The following NR2F6 variants were observed in gnomAD, a reference collection of about 807,000 sequenced individuals.
The protein encoded by NR2F6 is ERBA-related gene-2.
NR2F6 carries 16 observed loss-of-function variants against 26.5 expected under a neutral mutation model. The ratio of observed to expected loss-of-function variants is 0.60; its 90% confidence interval spans 0.41 to 0.92. The LOEUF is 0.92. Among genes scored for constraint, NR2F6 ranks in the 40% least tolerant of loss-of-function variants. The pLI, the probability that NR2F6 is intolerant of heterozygous loss-of-function variation, is 0.00. For missense variants in NR2F6, 536 were observed against 631.7 expected, an observed-to-expected ratio of 0.85 and a Z score of 1.62; for synonymous variants, 325 against 305.0, an observed-to-expected ratio of 1.07 and a Z score of -0.68.
At position 17,235,419 on chromosome 19, in the gene NR2F6, G is replaced by C; in HGVS notation, c.940+80C>G. The C allele has an allele frequency of 6.6e-7, 1 of 1,514,236 alleles. No homozygotes were observed. The allele number at this position is 1,514,236 out of a possible 1,614,324, so 93.8% of individuals were successfully genotyped here. ...GAGCGAGCGGGGCGCTATGGGGGCC[G>C]GAGTCTGGGTCCAGGCCGCCCTCCT... On this transcript the variant is annotated intron_variant, in intron 3 of 3. Transcript: ENST00000291442. This position sits in a 1 kb window ranked among gnomAD's most constrained non-coding sequence, Gnocchi z 5.0.
At position 17,236,030 on chromosome 19, in the gene NR2F6, C is replaced by T; in HGVS notation, c.409G>A (p.Gly137Ser). The T allele has an allele frequency of 7.3e-7, 1 of 1,375,318 alleles. No homozygotes were observed. Among genetic ancestry groups the T allele is most frequent in the Non-Finnish European group, 9.3e-7 (1 of 1,072,260 alleles). The allele number at this position is 1,375,318 out of a possible 1,614,324, so 85.2% of individuals were successfully genotyped here. ...CTGCCCGAGGAGGCGGCCACGGCACCAGGCAGCGAGTGCGGGATGCGGCCG... is the reference window on the plus strand; with the variant it reads ...CTGCCCGAGGAGGCGGCCACGGCACTAGGCAGCGAGTGCGGGATGCGGCCG... ...QRGRIPHSLP[G>S]AVAASSGSPP... The change falls in exon 3 of 4, where the codon GGT (glycine) becomes AGT (serine). Residue 137 changes from glycine to serine, a missense_variant. Gly to Ser is a moderately conservative substitution (Grantham distance 56, BLOSUM62 0). Coordinates refer to ENST00000291442, the MANE Select transcript of NR2F6 (RefSeq NM_005234.4).
chr19:17,232,758 GTCCCA>G, intron 3 of NR2F6, 132 bp from the exon 4 acceptor site: 1 of 1,111,200 alleles, frequency 9.0e-7, no homozygotes, highest in Non-Finnish European at 1.2e-6. Context: ...CACGGCCACA[GTCCCA>G]GCACTTTGGG....
At chr19:17,236,093 T>C in intron 2 of NR2F6, 28 bp from the exon 3 acceptor site, 1 of 236,068 alleles carries the variant, frequency 4.2e-6, no homozygotes, top group Non-Finnish European at 5.1e-6. Flanking sequence ...AGGAGGGACA[T>C]GGGGGCGGGA....
Position 17,235,636 on chromosome 19 carries a change from G to C in NR2F6, c.803C>G (p.Ala268Gly). Residue 268 changes from alanine to glycine, a missense_variant, in exon 3 of 4, where the codon GCG becomes GGG. Physicochemically the swap from Ala to Gly is moderately conservative, Grantham distance 60. Transcript: ENST00000291442. This position sits in a 1 kb window ranked among gnomAD's most constrained non-coding sequence, Gnocchi z 5.0. Reference sequence around the variant, plus strand: ...CACGGCGCGCTCGGCGGCCATAGGCGCGGCGTGGAGGCCGGCGGCGGCCAG... The same window carrying C: ...CACGGCGCGCTCGGCGGCCATAGGCCCGGCGTGGAGGCCGGCGGCGGCCAG... ...PLLAAAGLHA[A>G]PMAAERAVAF... 1 of 1,538,616 alleles carries C rather than the reference G, an allele frequency of 6.5e-7. No individual in the cohort carries two copies. Among genetic ancestry groups the C allele is most frequent in the Non-Finnish European group, 8.7e-7 (1 of 1,150,748 alleles).
intron 2 of NR2F6, among the ~76,000 whole-genome samples, chr19:17,238,541 T>C (rs2073451590): frequency 6.6e-6 from 1 of 152,158 alleles, no homozygotes; most frequent in African/African-American, 2.4e-5. Context: ...ATCATAAATA[T>C]TTCCACCCGA....
rs544359606 is a variant in NR2F6, at chr19:17,234,553, G to A, written c.940+946C>T. 4.6e-5 allele frequency among the ~76,000 whole-genome samples: 7 copies of A among 152,272 alleles called. No individual in the cohort carries two copies. The East Asian group carries it at 9.7e-4, about 21-fold the overall frequency. ...AGGTTAAAGAACTCCCAGGAGACAG[G>A]CTGGAGAGATCTTTGTCTAAAGGCA... On this transcript the variant is annotated intron_variant, in intron 3 of 3. Coordinates refer to ENST00000291442, the MANE Select transcript of NR2F6 (RefSeq NM_005234.4).
At chr19:17,232,763 A>G in intron 3 of NR2F6, 137 bp from the exon 4 acceptor site, 1 of 1,087,290 alleles carries the variant, frequency 9.2e-7, no homozygotes, top group East Asian at 2.7e-5. Flanking sequence ...CCACAGTCCC[A>G]GCACTTTGGG....
chr19:17,237,556 C>A lies in NR2F6; in HGVS notation c.374-1491G>T, dbSNP rs541085090. Among the ~76,000 whole-genome samples, 6 of 152,204 alleles carry A rather than the reference C, an allele frequency of 3.9e-5. No homozygotes were observed. In the South Asian group the frequency reaches 1.2e-3, roughly 32 times the overall value. The stretch of plus-strand genomic sequence containing the variant: ...CCTCCCGAGTAGCTGGGATTAGAGG[C>A]ACCTGCCACCACGCCTGGCTAATTT... On this transcript the variant is annotated intron_variant, in intron 2 of 3. Transcript: ENST00000291442.
Position 17,235,333 on chromosome 19 carries a change from C to G in NR2F6, c.940+166G>C, listed in dbSNP as rs960804210. On this transcript the variant is annotated intron_variant, in intron 3 of 3. Coordinates refer to ENST00000291442, the MANE Select transcript of NR2F6 (RefSeq NM_005234.4). This position sits in a 1 kb window ranked among gnomAD's most constrained non-coding sequence, Gnocchi z 5.0. ...TGTCACAGTGTCACACTGCTTACATCACCCCTCTACAGCCACCCAAGAGCG... is the reference window on the plus strand; with the variant it reads ...TGTCACAGTGTCACACTGCTTACATGACCCCTCTACAGCCACCCAAGAGCG... Among the ~76,000 whole-genome samples, 4 of 152,226 alleles carry G rather than the reference C, an allele frequency of 2.6e-5. No homozygotes were observed. The highest frequency in any genetic ancestry group is 9.6e-5 in the African/African-American group (4 of 41,468).
intron 1 of NR2F6, chr19:17,244,096 C>T (rs975460792): frequency 2.0e-5 from 3 of 152,314 alleles, no homozygotes; most frequent in African/African-American, 7.2e-5. Context: ...GAACAGCTAG[C>T]AAGGCCACGC....
Position 17,232,362 on chromosome 19 carries a change from G to T in NR2F6, c.1205C>A (p.Ser402Ter). Residue 402 changes from serine to a stop codon, truncating the protein, a stop_gained, in exon 4 of 4, where the codon TCG becomes TAG. Coordinates refer to ENST00000291442, the MANE Select transcript of NR2F6 (RefSeq NM_005234.4). LOFTEE classifies it high-confidence loss of function. ...SGSTFNWPYG[S>*]GQ ...GTGGCCCCGTCATGGTCACTGGCCC[G>T]AGCCGTAGGGCCAGTTGAAGGTACT... The T allele has an allele frequency of 6.2e-7, 1 of 1,613,818 alleles. No homozygotes were observed. The highest frequency in any genetic ancestry group is 8.5e-7 in the Non-Finnish European group (1 of 1,180,032).
intron 2 of NR2F6, among the ~76,000 whole-genome samples, chr19:17,238,704 G>A (rs2073452437): frequency 6.6e-6 from 1 of 152,188 alleles, no homozygotes; most frequent in Non-Finnish European, 1.5e-5. Context: ...GCCACAGGGA[G>A]TGATCAGTTT....
In NR2F6 at chr19:17,244,974, T is replaced by G. The variant is rs1257332758; in HGVS notation, c.247A>C (p.Ser83Arg). The G allele has an allele frequency of 6.4e-7, 1 of 1,571,544 alleles. No individual in the cohort carries two copies. The stretch of plus-strand genomic sequence containing the variant: ...GTGTAGCTGAGGTTGCGGCGGATGC[T>G]TCGCTTGAAAAAGCTCTTGCAGCCC... ...CEGCKSFFKR[S>R]IRRNLSYTCR... Residue 83 changes from serine to arginine, a missense_variant, in exon 1 of 4, where the codon AGC becomes CGC. Transcript: ENST00000291442.
At position 17,235,970 on chromosome 19, in the gene NR2F6, C is replaced by T; in HGVS notation, c.469G>A (p.Gly157Ser). 1 of 1,471,954 alleles carries T rather than the reference C, an allele frequency of 6.8e-7. No homozygotes were observed. 91.2% of individuals were successfully genotyped at this position (1,471,954 alleles called of 1,614,324 possible). The stretch of plus-strand genomic sequence containing the variant: ...GGCTGCCCCGGGAAGAGGTCTCCGC[C>T]GCTCGCCACTGCCGCCAGCGCCGAG... ...PGSALAAVAS[G>S]GDLFPGQPVS... The change falls in exon 3 of 4, where the codon GGC (glycine) becomes AGC (serine). Residue 157 changes from glycine to serine, a missense_variant. By Grantham distance (56) the Gly-to-Ser change is moderately conservative (BLOSUM62 0). Coordinates refer to ENST00000291442, the MANE Select transcript of NR2F6 (RefSeq NM_005234.4). This position sits in a 1 kb window ranked among gnomAD's most constrained non-coding sequence, Gnocchi z 5.0.
At chr19:17,237,565 C>T (rs7254376) in intron 2 of NR2F6, among the ~76,000 whole-genome samples, 3,091 of 152,218 alleles carry the variant, frequency 0.02, 110 homozygotes, top group African/African-American at 0.07. Flanking sequence ...GCACCTGCCA[C>T]CACGCCTGGC....
rs1599456595 is a variant in NR2F6, at chr19:17,240,822, C to G, written c.279-57G>C. 4 of 1,566,136 alleles carry G rather than the reference C, an allele frequency of 2.6e-6. No homozygotes were observed. In the East Asian group the frequency reaches 9.0e-5, roughly 35 times the overall value. ...GACCCCCATATCCTCCTCCCCGAAC[C>G]AGCCTATGAGCCGCCTTTGGAGGCT... is the stretch of plus-strand genomic sequence containing the variant. On this transcript the variant is annotated intron_variant, in intron 1 of 3. Transcript: ENST00000291442.
At chr19:17,244,400 G>GC (rs1437198649) in intron 1 of NR2F6, 1 of 117,354 alleles carries the variant, frequency 8.5e-6, no homozygotes, top group Non-Finnish European at 1.7e-5. Context: ...GAAGAAGGCC[G>GC]CCCCGTGCCA....
intron 3 of NR2F6, among the ~76,000 whole-genome samples, chr19:17,234,864 A>C (rs1432627088): frequency 6.6e-6 from 1 of 152,178 alleles, no homozygotes; most frequent in Non-Finnish European, 1.5e-5. Context: ...GTCTCAAAAA[A>C]TGGAAATACA....
intron 2 of NR2F6, among the ~76,000 whole-genome samples, chr19:17,238,637 A>G (rs1021858028): frequency 3.3e-5 from 5 of 152,194 alleles, no homozygotes; most frequent in African/African-American, 7.2e-5. Flanking sequence ...AGACAAGTAG[A>G]GGCAAAATCC....
Sources: allele counts gnomAD v4.1 joint callset (sites outside exome capture counted in the v4.1 genomes callset), GRCh38; gene constraint gnomAD v4.1.1; non-coding constraint Gnocchi (gnomAD v3.1); transcripts MANE v1.5; gene names NCBI Gene and HGNC (gene_info 2026-07-23, HGNC 2026-07-21).